UNC5D: variants seen among roughly 807,000 people sequenced by gnomAD.
The protein encoded by UNC5D is netrin receptor UNC5D.
Under a neutral mutation model 105.4 loss-of-function variants are expected in UNC5D, and 39 were observed. The ratio of observed to expected loss-of-function variants is 0.37; its 90% CI spans 0.29 to 0.48. The LOEUF (loss-of-function observed/expected upper bound fraction) is 0.48. Ranked by LOEUF, UNC5D falls within the 20% of genes least tolerant of loss-of-function variation. UNC5D has a pLI of 0.98. For synonymous variants in UNC5D, 452 were observed against 450.4 expected (o/e 1.00, Z -0.04); for missense variants, 991 against 1,202.4 (o/e 0.82, Z 2.60).
chr8:35,669,598 A>G (rs1433888631), intron 4 of UNC5D, among the ~76,000 whole-genome samples: 5 of 152,078 alleles, frequency 3.3e-5, no homozygotes, highest in African/African-American at 1.2e-4. Flanking sequence ...TCTCCCTGCC[A>G]TTGTTACAGT....
intron 1 of UNC5D, among the ~76,000 whole-genome samples, chr8:35,275,426 A>C (rs1208321251): frequency 6.6e-6 from 1 of 152,182 alleles, no homozygotes; most frequent in African/African-American, 2.4e-5. Flanking sequence ...CATTGTGACA[A>C]GTCAATGTGG....
intron 10 of UNC5D, chr8:35,727,699 C>T (rs1380815020): frequency 6.6e-6 from 1 of 152,046 alleles, no homozygotes; most frequent in Admixed American, 6.6e-5. Context: ...ATTTCTAATT[C>T]TCTAAATCTT....
intron 1 of UNC5D, among the ~76,000 whole-genome samples, chr8:35,284,004 C>G (rs1289141138): frequency 1.3e-5 from 2 of 152,044 alleles, no homozygotes; most frequent in South Asian, 4.1e-4. Context: ...AGTAATTTCT[C>G]TAGGAAGTCT....
chr8:35,732,878 G>T (rs1267025349), intron 11 of UNC5D, among the ~76,000 whole-genome samples: 3 of 152,160 alleles, frequency 2.0e-5, no homozygotes, highest in Non-Finnish European at 2.9e-5. Flanking sequence ...TAAAGTAAGA[G>T]AGAGGAACAC....
chr8:35,567,534 A>G (rs756483847), intron 2 of UNC5D, among the ~76,000 whole-genome samples: 3 of 151,980 alleles, frequency 2.0e-5, no homozygotes, highest in Non-Finnish European at 4.4e-5. Flanking sequence ...CTTTGTGCTC[A>G]TTCCTTCTTT....
chr8:35,444,538 C>T (rs1388915610), intron 1 of UNC5D, among the ~76,000 whole-genome samples: 1 of 151,988 alleles, frequency 6.6e-6, no homozygotes, highest in African/African-American at 2.4e-5. Context: ...TATAGAAACA[C>T]ACACTTTCTC....
At chr8:35,780,733 T>C (rs1802466545) in intron 16 of UNC5D, among the ~76,000 whole-genome samples, 3 of 152,288 alleles carry the variant, frequency 2.0e-5, no homozygotes, top group Admixed American at 2.0e-4. Flanking sequence ...TAAACTAAGC[T>C]TTCTTGGTTC....
At chr8:35,485,354 G>C (rs559910912) in intron 1 of UNC5D, among the ~76,000 whole-genome samples, 1 of 152,260 alleles carries the variant, frequency 6.6e-6, no homozygotes, top group Non-Finnish European at 1.5e-5. Context: ...CAAGATGACT[G>C]GCATATATAT....
intron 8 of UNC5D, among the ~76,000 whole-genome samples, chr8:35,711,289 C>T (rs1419018356): frequency 6.6e-6 from 1 of 152,052 alleles, no homozygotes; most frequent in African/African-American, 2.4e-5. Context: ...AAGCGATTCT[C>T]CTGCCTCAGC....
rs1439714976 is a variant in UNC5D, at chr8:35,686,716, CTT to C, written c.1084+10_1084+11del. The C allele has an allele frequency of 3.2e-6, 5 of 1,574,212 alleles. No homozygotes were observed. In the African/African-American group the frequency reaches 6.9e-5, roughly 22 times the overall value. On this transcript the variant is annotated splice_region_variant and intron_variant, in intron 7 of 16. Coordinates refer to ENST00000404895, the MANE Select transcript of UNC5D (RefSeq NM_080872.4). ...GATGGTCTTTGCATCCTAGGTAACA[CTT>C]TTGCTTTAACATCTTCAGTGTTTGT...
At chr8:35,743,527 C>T (rs1398646282) in intron 11 of UNC5D, among the ~76,000 whole-genome samples, 2 of 151,862 alleles carry the variant, frequency 1.3e-5, no homozygotes, top group African/African-American at 4.8e-5. Context: ...ATCCCCCCCA[C>T]CTCAGCCTCC....
chr8:35,439,000 G>T (rs1807219826), intron 1 of UNC5D, among the ~76,000 whole-genome samples: 1 of 151,954 alleles, frequency 6.6e-6, no homozygotes, highest in South Asian at 2.1e-4. Flanking sequence ...AATCTGGCCT[G>T]ATGAATTAGA....
intron 4 of UNC5D, among the ~76,000 whole-genome samples, chr8:35,639,648 AT>A (rs1165635173): frequency 6.6e-6 from 1 of 152,192 alleles, no homozygotes; most frequent in Admixed American, 6.6e-5. Context: ...TAATTTTAAA[AT>A]ATTGATATAA....
chr8:35,441,275 T>C (rs1051479248), intron 1 of UNC5D, among the ~76,000 whole-genome samples: 3 of 151,944 alleles, frequency 2.0e-5, no homozygotes, highest in African/African-American at 7.2e-5. Context: ...CAAAAATAGG[T>C]GAGTACAGCA....
rs114034460 is a variant in UNC5D, at chr8:35,568,386, A to G, written c.466+145A>G. 329 of 1,269,846 alleles carry G rather than the reference A, an allele frequency of 2.6e-4. No individual in the cohort carries two copies. The African/African-American group carries it at 4.5e-3, about 17-fold the overall frequency. The allele number at this position is 1,269,846 out of a possible 1,614,324, so 78.7% of individuals were successfully genotyped here. A position where few individuals can be genotyped will look rare whatever the true frequency, so the allele number is the denominator to read the frequency against. ...TACTCTTCTAAAATGTTATTTTAAA[A>G]TGTTTGATAATTTCTGGCCAGGCGT... On this transcript the variant is annotated intron_variant, in intron 3 of 16. Transcript: ENST00000404895.
rs1802142643 is a variant in UNC5D at position 35,774,354 on chromosome 8, A to G, written c.2534A>G (p.Gln845Arg). The change falls in exon 16 of 17, where the codon CAG becomes CGG. Residue 845 changes from glutamine to arginine, a missense_variant. Around this residue, in one of 3 missense-constraint regions of UNC5D, gnomAD observed 944 missense variants for 1,131.6 expected, o/e 0.83. Transcript: ENST00000404895. ...CAAGAGGACAGCACTTTCCCTGCAC[A>G]GACTGGCCCCAAAGCCTTCAAAATT... is the stretch of plus-strand genomic sequence containing the variant. ...FAQEDSTFPAQTGPKAFKIPY... is the reference protein window; with the variant it reads ...FAQEDSTFPARTGPKAFKIPY... 2 of 1,614,024 alleles carry G rather than the reference A, an allele frequency of 1.2e-6. No homozygotes were observed. Among genetic ancestry groups the G allele is most frequent in the African/African-American group, 1.3e-5 (1 of 74,938 alleles).
intron 1 of UNC5D, among the ~76,000 whole-genome samples, chr8:35,526,847 T>C (rs907104743): frequency 6.6e-6 from 1 of 152,074 alleles, no homozygotes; most frequent in African/African-American, 2.4e-5. Context: ...TCCTTTGATA[T>C]ATCTGATCTT....
At chr8:35,428,277 CT>C (rs140844618) in intron 1 of UNC5D, among the ~76,000 whole-genome samples, 5,799 of 151,346 alleles carry the variant, frequency 0.038, 156 homozygotes, top group Non-Finnish European at 0.059. Flanking sequence ...CCTCCAAGGG[CT>C]TAAGCAATCC....
chr8:35,333,692 C>G lies in UNC5D; in HGVS notation c.103+97805C>G, dbSNP rs186581390. 1.5e-3 allele frequency among the ~76,000 whole-genome samples: 235 copies of G among 152,168 alleles called. 1 individual carries two copies. Among genetic ancestry groups the G allele is most frequent in the African/African-American group, 5.4e-3 (223 of 41,512 alleles). ...GCGGGGATTCTCCATGTTGGCCAGG[C>G]TGGTCTCGAACTCCTGACCTCAGGT... On this transcript the variant is annotated intron_variant, in intron 1 of 16. Coordinates refer to ENST00000404895, the MANE Select transcript of UNC5D (RefSeq NM_080872.4).
Sources: gnomAD v4.1 joint callset for allele counts (sites outside exome capture counted in the v4.1 genomes callset) on GRCh38, gnomAD v4.1.1 for gene constraint, gnomAD v4.1.1 regional missense constraint, MANE v1.5 for transcripts, NCBI Gene and HGNC (gene_info 2026-07-23, HGNC 2026-07-21) for gene names.